Variants in L3MBTL4 observed in about 807,000 individuals in gnomAD.
L3MBTL4 encodes the protein lethal(3)malignant brain tumor-like protein 4.
In L3MBTL4, 70 loss-of-function variants were observed where a neutral mutation model predicts 84.5. The observed-to-expected ratio is 0.83, with a 90% CI of 0.68 to 1.01. L3MBTL4 has a LOEUF of 1.01. Ranked by LOEUF, L3MBTL4 falls within the 50% of genes least tolerant of loss-of-function variation. The pLI is 0.00. For synonymous variants in L3MBTL4, 274 were observed against 259.8 expected (o/e 1.05, Z -0.52); for missense variants, 715 against 754.8 (o/e 0.95, Z 0.62).
intron 16 of L3MBTL4, among the ~76,000 whole-genome samples, chr18:6,003,808 G>A (rs1567971920): frequency 5.9e-5 from 9 of 151,970 alleles, no homozygotes; most frequent in Admixed American, 5.2e-4. Flanking sequence ...AATCACAAAG[G>A]AAATCAGAAA....
intron 1 of L3MBTL4, chr18:6,326,861 A>G (rs1180909403): frequency 2.0e-5 from 3 of 152,228 alleles, no homozygotes; most frequent in Non-Finnish European, 4.4e-5. Flanking sequence ...TATAGGACAG[A>G]CAGTACATTA....
chr18:6,201,308 GGTGGGT>G (rs2045638659), intron 12 of L3MBTL4, among the ~76,000 whole-genome samples: 1 of 152,188 alleles, frequency 6.6e-6, no homozygotes, highest in Admixed American at 6.5e-5. Flanking sequence ...CGGATTAAGA[GGTGGGT>G]TTGGTCATGG....
Position 6,138,224 on chromosome 18 carries a change from A to G in L3MBTL4, c.1169T>C (p.Ile390Thr), listed in dbSNP as rs1368440804. 3 of 1,613,252 alleles carry G rather than the reference A, an allele frequency of 1.9e-6. No individual in the cohort carries two copies. The highest frequency in any genetic ancestry group is 2.5e-6 in the Non-Finnish European group (3 of 1,179,396). The change falls in exon 14 of 19, where the codon ATC becomes ACC. Residue 390 changes from isoleucine (I) to threonine (T), a missense_variant. Transcript: ENST00000317931. ...PTPGCRGIGH[I>T]RGPRYSGHHS... ...ATGTCCCGAATAACGTGGACCACGG[A>G]TATGGCCTATTCCTCGGCACCCGGG...
intron 12 of L3MBTL4, among the ~76,000 whole-genome samples, chr18:6,191,248 T>C (rs888491683): frequency 2.6e-5 from 4 of 152,170 alleles, no homozygotes; most frequent in Non-Finnish European, 4.4e-5. Flanking sequence ...GCTATAATAA[T>C]CCAGGCAAGA....
At chr18:6,192,756 T>C (rs1161222871) in intron 12 of L3MBTL4, among the ~76,000 whole-genome samples, 2 of 151,946 alleles carry the variant, frequency 1.3e-5, no homozygotes, top group African/African-American at 2.4e-5. Flanking sequence ...GGACTGTGTC[T>C]CTCTAGCCAT....
At chr18:6,223,784 T>C (rs1038297822) in intron 10 of L3MBTL4, among the ~76,000 whole-genome samples, 3 of 152,218 alleles carry the variant, frequency 2.0e-5, no homozygotes, top group African/African-American at 4.8e-5. Flanking sequence ...CATCAGCTTC[T>C]TTCTATTCTC....
chr18:6,244,609 A>G (rs760523416), intron 5 of L3MBTL4, 21 bp from the exon 6 acceptor site: 4 of 1,474,452 alleles, frequency 2.7e-6, no homozygotes, highest in Non-Finnish European at 9.5e-7. Context: ...TCACGACATA[A>G]CATTAGCCAC....
chr18:6,222,669 A>G (rs2046607668), intron 10 of L3MBTL4, among the ~76,000 whole-genome samples: 1 of 152,052 alleles, frequency 6.6e-6, no homozygotes, highest in African/African-American at 2.4e-5. Context: ...TCTATTACAG[A>G]CCTAGCAATC....
intron 16 of L3MBTL4, among the ~76,000 whole-genome samples, chr18:6,033,439 C>T (rs961893254): frequency 2.0e-5 from 3 of 152,094 alleles, no homozygotes; most frequent in East Asian, 1.9e-4. Flanking sequence ...CAACCTCTGT[C>T]TTTTGATTGG....
chr18:6,038,505 C>T (rs550766456), intron 16 of L3MBTL4, among the ~76,000 whole-genome samples: 4 of 152,096 alleles, frequency 2.6e-5, no homozygotes, highest in East Asian at 1.9e-4. Flanking sequence ...CCTCCTGCCT[C>T]GGCCTCCCAA....
rs1017030370 is a variant in L3MBTL4 at position 6,171,837 on chromosome 18, C to T, written c.1087G>A (p.Val363Met). Residue 363 changes from valine (V) to methionine (M), a missense_variant, in exon 13 of 19, where the codon GTG (valine) becomes ATG (methionine). Val to Met is a conservative substitution (Grantham distance 21, BLOSUM62 1). Coordinates refer to ENST00000317931, the MANE Select transcript of L3MBTL4 (RefSeq NM_001330559.2). ...AGAGCAAAGTACTCACGCTGTGGCACTTCCAGTGGATGCCCTGTGACATCA... is the reference window on the plus strand; with the variant it reads ...AGAGCAAAGTACTCACGCTGTGGCATTTCCAGTGGATGCCCTGTGACATCA... ...WCDVTGHPLE[V>M]PQRTNDLKIL... 6.5e-7 allele frequency: 1 copy of T among 1,544,678 alleles called. No individual in the cohort carries two copies. Among genetic ancestry groups the T allele is most frequent in the Admixed American group, 2.0e-5 (1 of 50,508 alleles).
chr18:6,352,859 A>C (rs1380674603), intron 1 of L3MBTL4, among the ~76,000 whole-genome samples: 1 of 152,248 alleles, frequency 6.6e-6, no homozygotes, highest in Non-Finnish European at 1.5e-5. Flanking sequence ...TTAAATGGTC[A>C]AAAATATTTT....
At chr18:6,269,880 T>C (rs932455589) in intron 4 of L3MBTL4, among the ~76,000 whole-genome samples, 1 of 152,236 alleles carries the variant, frequency 6.6e-6, no homozygotes, top group Non-Finnish European at 1.5e-5. Context: ...TACTTATCAG[T>C]AATTTTATGA....
chr18:6,296,362 G>T (rs1276136394), intron 4 of L3MBTL4, among the ~76,000 whole-genome samples: 1 of 152,048 alleles, frequency 6.6e-6, no homozygotes, highest in East Asian at 1.9e-4. Context: ...AGATTTTATT[G>T]GTCTGATTGG....
intron 4 of L3MBTL4, among the ~76,000 whole-genome samples, chr18:6,299,048 C>T (rs1401670892): frequency 6.6e-6 from 1 of 152,138 alleles, no homozygotes; most frequent in African/African-American, 2.4e-5. Context: ...AACGTAAAGG[C>T]ATATAGGTCT....
chr18:6,054,426 A>G (rs1396761760), intron 16 of L3MBTL4, among the ~76,000 whole-genome samples: 1 of 152,060 alleles, frequency 6.6e-6, no homozygotes, highest in Non-Finnish European at 1.5e-5. Context: ...TCTCTGTGAG[A>G]ATATCAAATC....
chr18:6,103,344 AT>A (rs915283583), intron 14 of L3MBTL4, among the ~76,000 whole-genome samples: 10 of 152,224 alleles, frequency 6.6e-5, no homozygotes, highest in Non-Finnish European at 4.4e-5. Context: ...TAATTGTAAC[AT>A]TTTGGTTAAG....
intron 13 of L3MBTL4, among the ~76,000 whole-genome samples, chr18:6,164,055 T>C (rs947680651): frequency 6.6e-6 from 1 of 152,174 alleles, no homozygotes; most frequent in African/African-American, 2.4e-5. Context: ...GCTTGGAAGG[T>C]CCTATGCCCA....
At chr18:6,348,196 T>C (rs1396691407) in intron 1 of L3MBTL4, among the ~76,000 whole-genome samples, 2 of 152,008 alleles carry the variant, frequency 1.3e-5, no homozygotes, top group Admixed American at 6.5e-5. Flanking sequence ...GAAGATTCAG[T>C]ACAGTAAAGG....
Sources: allele counts gnomAD v4.1 joint callset (sites outside exome capture counted in the v4.1 genomes callset), GRCh38; gene constraint gnomAD v4.1.1; transcripts MANE v1.5; gene names NCBI Gene and HGNC (gene_info 2026-07-23, HGNC 2026-07-21).